The following SND1 variants were observed in gnomAD, a reference collection of about 807,000 sequenced individuals.
SND1 encodes staphylococcal nuclease domain-containing protein 1.
A neutral mutation model predicts 121.7 loss-of-function variants in SND1; 38 were observed. That is an observed-to-expected ratio of 0.31 (90% confidence interval 0.24 to 0.41). The LOEUF (loss-of-function observed/expected upper bound fraction) is 0.41. Ranked by LOEUF, SND1 falls within the 10% of genes least tolerant of loss-of-function variation. SND1 has a pLI of 1.00. For synonymous variants in SND1, 401 were observed against 447.4 expected (o/e 0.90, Z 1.31); for missense variants, 868 against 1,184.6 (o/e 0.73, Z 3.92).
chr7:127,982,508 A>C (rs965919770), intron 15 of SND1, among the ~76,000 whole-genome samples: 3 of 152,232 alleles, frequency 2.0e-5, no homozygotes, highest in Admixed American at 6.5e-5. Flanking sequence ...ACATGTTCCA[A>C]AATTGGTCCA....
chr7:127,895,424 A>T (rs1800099350), intron 13 of SND1, among the ~76,000 whole-genome samples: 1 of 152,054 alleles, frequency 6.6e-6, no homozygotes, highest in Non-Finnish European at 1.5e-5. Flanking sequence ...GCCAGCACAG[A>T]GGAGGAGACT....
At chr7:128,037,685 G>A (rs1285386559) in intron 16 of SND1, among the ~76,000 whole-genome samples, 2 of 152,188 alleles carry the variant, frequency 1.3e-5, no homozygotes, top group Admixed American at 1.3e-4. Context: ...GTGAAGGGTA[G>A]GGGAGCCAAG....
intron 10 of SND1, among the ~76,000 whole-genome samples, chr7:127,806,898 G>A (rs1020009486): frequency 3.9e-5 from 6 of 152,212 alleles, no homozygotes; most frequent in Non-Finnish European, 5.9e-5. Context: ...GGCGGAGGTT[G>A]CAGTGAGCCA....
chr7:128,064,486 C>T (rs1038487414), intron 16 of SND1, among the ~76,000 whole-genome samples: 4 of 152,158 alleles, frequency 2.6e-5, no homozygotes, highest in African/African-American at 7.2e-5. Context: ...TGGTGCGGAC[C>T]TACCTGTGGA....
At chr7:127,872,082 G>A (rs1449227828) in intron 12 of SND1, among the ~76,000 whole-genome samples, 1 of 152,124 alleles carries the variant, frequency 6.6e-6, no homozygotes, top group East Asian at 1.9e-4. Flanking sequence ...TGGTGAGCTA[G>A]GATTGTGCCA....
intron 3 of SND1, among the ~76,000 whole-genome samples, chr7:127,698,330 G>A (rs567555422): frequency 1.3e-5 from 2 of 152,226 alleles, no homozygotes; most frequent in African/African-American, 2.4e-5. Flanking sequence ...GATCGTACAC[G>A]GTGAAGGGAC....
intron 1 of SND1, among the ~76,000 whole-genome samples, chr7:127,661,542 A>G (rs1390548283): frequency 6.6e-6 from 1 of 152,080 alleles, no homozygotes; most frequent in Admixed American, 6.6e-5. Context: ...TAAAACCCCA[A>G]ATGATCTACT....
At chr7:127,833,587 C>G (rs1453673736) in intron 11 of SND1, among the ~76,000 whole-genome samples, 9 of 152,020 alleles carry the variant, frequency 5.9e-5, no homozygotes. Flanking sequence ...TTGAAGTAAC[C>G]AGTAGATTCA....
intron 15 of SND1, among the ~76,000 whole-genome samples, chr7:127,971,265 C>T (rs1293965196): frequency 6.6e-6 from 1 of 151,950 alleles, no homozygotes; most frequent in Non-Finnish European, 1.5e-5. Context: ...TAGAAAATGC[C>T]AGATAGATGA....
In SND1 at chr7:127,703,251, G is replaced by T. The variant is rs1340853457; in HGVS notation, c.768G>T (p.Leu256=). 1.9e-6 allele frequency: 3 copies of T among 1,614,180 alleles called. No individual in the cohort carries two copies. In the South Asian group the frequency reaches 3.3e-5, roughly 18 times the overall value. Residue 256 remains leucine, a synonymous_variant, in exon 7 of 24, where the codon CTG becomes CTT. Transcript: ENST00000354725. ...AEAKFFTESR[L]LQRDVQIILE... is the part of the protein sequence containing the mutation. The stretch of plus-strand genomic sequence containing the variant: ...CCAAATTTTTCACTGAGTCGCGACT[G>T]CTTCAGAGAGATGTTCAGATCATTC...
chr7:127,984,941 C>T (rs991612491), intron 15 of SND1, among the ~76,000 whole-genome samples: 12 of 152,154 alleles, frequency 7.9e-5, no homozygotes, highest in African/African-American at 2.7e-4. Context: ...CTGGCTCCTG[C>T]GGGGATTGTG....
At chr7:127,721,518 T>G in intron 10 of SND1, 118 bp downstream of exon 10, 1 of 564,354 alleles carries the variant, frequency 1.8e-6, no homozygotes, top group Non-Finnish European at 3.2e-6. Flanking sequence ...GACAAGTATT[T>G]TAAATCTCCA....
chr7:127,698,453 A>G (rs1345465077), intron 3 of SND1, among the ~76,000 whole-genome samples: 1 of 152,152 alleles, frequency 6.6e-6, no homozygotes, highest in Non-Finnish European at 1.5e-5. Context: ...CACTTTAGAG[A>G]TGAGTAAATT....
Position 128,022,043 on chromosome 7 carries a change from A to G in SND1, c.1779+30987A>G, listed in dbSNP as rs1055167780. 2.0e-5 allele frequency among the ~76,000 whole-genome samples: 3 copies of G among 151,960 alleles called. No homozygotes were observed. In the East Asian group the frequency reaches 5.8e-4, roughly 29 times the overall value. The stretch of plus-strand genomic sequence containing the variant: ...GCATGGTGAAACCCCGTCTCTACTA[A>G]AAATACAAAAATTAGCCAGGCGTGG... On this transcript the variant is annotated intron_variant, in intron 16 of 23. Transcript: ENST00000354725.
chr7:127,733,694 T>C (rs2116417078), intron 10 of SND1, among the ~76,000 whole-genome samples: 1 of 152,306 alleles, frequency 6.6e-6, no homozygotes, highest in Non-Finnish European at 1.5e-5. Flanking sequence ...ACAGGACTGC[T>C]CTGAGGACAA....
chr7:128,070,294 G>A (rs530632009), intron 16 of SND1, among the ~76,000 whole-genome samples: 17 of 152,316 alleles, frequency 1.1e-4, no homozygotes, highest in East Asian at 3.9e-4. Context: ...GAGGGGAATC[G>A]AGAGGAGAGC....
chr7:127,756,628 C>T (rs888716821), intron 10 of SND1, among the ~76,000 whole-genome samples: 1 of 152,214 alleles, frequency 6.6e-6, no homozygotes, highest in Non-Finnish European at 1.5e-5. Flanking sequence ...CTTCTTTAGC[C>T]ATTCCTCTGG....
At chr7:127,810,160 C>T (rs1283043745) in intron 11 of SND1, among the ~76,000 whole-genome samples, 1 of 152,190 alleles carries the variant, frequency 6.6e-6, no homozygotes, top group Non-Finnish European at 1.5e-5. Flanking sequence ...ACTAATCTGA[C>T]ATCATAAGGA....
At chr7:127,682,000 C>T (rs1795735377) in intron 1 of SND1, among the ~76,000 whole-genome samples, 1 of 152,288 alleles carries the variant, frequency 6.6e-6, no homozygotes, top group South Asian at 2.1e-4. Context: ...GATTTTTGCT[C>T]TTGGGCTGGG....
Sources: allele counts gnomAD v4.1 joint callset (sites outside exome capture counted in the v4.1 genomes callset), GRCh38; gene constraint gnomAD v4.1.1; transcripts MANE v1.5; gene names NCBI Gene and HGNC (gene_info 2026-07-23, HGNC 2026-07-21).